Variants in SRGAP3 observed in about 807,000 individuals in gnomAD.
SRGAP3 encodes SLIT-ROBO Rho GTPase activating protein 3.
A neutral mutation model predicts 121.1 loss-of-function variants in SRGAP3; 39 were observed. The observed-to-expected ratio is 0.32, with a 90% CI of 0.25 to 0.42. The LOEUF (loss-of-function observed/expected upper bound fraction) is 0.42, where lower values mean the gene tolerates loss of function less well. Among genes scored for constraint, SRGAP3 ranks in the 10% least tolerant of loss-of-function variants. The probability of loss-of-function intolerance (pLI) is 1.00; values close to 1 mark genes in which losing one functional copy is unlikely to be tolerated. For synonymous variants in SRGAP3, 601 were observed against 570.0 expected, an observed-to-expected ratio of 1.05 and a Z score of -0.77; for missense variants, 1,213 against 1,470.6, an observed-to-expected ratio of 0.82 and a Z score of 2.86.
intron 3 of SRGAP3, among the ~76,000 whole-genome samples, chr3:9,080,515 T>G (rs112948502): frequency 1.3e-5 from 2 of 152,220 alleles, no homozygotes; most frequent in Non-Finnish European, 2.9e-5. Context: ...AAACAATGAT[T>G]TGGCATCCCA....
chr3:9,312,200 C>A (rs1166571679), intron 3 of SRGAP3, among the ~76,000 whole-genome samples: 1 of 152,084 alleles, frequency 6.6e-6, no homozygotes, highest in Non-Finnish European at 1.5e-5. Flanking sequence ...TGTCGCCCAG[C>A]CTGGAGTGCA....
At chr3:9,001,779 T>C (rs1477952079) in intron 18 of SRGAP3, among the ~76,000 whole-genome samples, 2 of 152,162 alleles carry the variant, frequency 1.3e-5, no homozygotes, top group Non-Finnish European at 2.9e-5. Flanking sequence ...CTAATATCGA[T>C]AAAATAGACT....
chr3:9,296,429 T>C (rs369512883), intron 3 of SRGAP3, among the ~76,000 whole-genome samples: 10 of 152,374 alleles, frequency 6.6e-5, no homozygotes, highest in Admixed American at 5.9e-4. Flanking sequence ...TGGCCATTTA[T>C]CCCATTCATT....
At chr3:9,028,302 C>A (rs1415763354) in intron 12 of SRGAP3, among the ~76,000 whole-genome samples, 1 of 152,180 alleles carries the variant, frequency 6.6e-6, no homozygotes, top group Non-Finnish European at 1.5e-5. Flanking sequence ...GGGAGAGCCA[C>A]CCTCAAGCCT....
chr3:9,028,270 C>T, intron 12 of SRGAP3: 1 of 1,207,764 alleles, frequency 8.3e-7, no homozygotes, highest in Non-Finnish European at 1.2e-6. Flanking sequence ...TCCTGGGGAG[C>T]CTGCCAAACA....
At chr3:9,264,059 G>T (rs1209713455) in intron 3 of SRGAP3, among the ~76,000 whole-genome samples, 3 of 152,190 alleles carry the variant, frequency 2.0e-5, no homozygotes, top group African/African-American at 7.2e-5. Context: ...TGCAAGGCTG[G>T]TTCAACATAA....
At chr3:9,135,755 T>C (rs972752637) in intron 1 of SRGAP3, among the ~76,000 whole-genome samples, 23 of 152,140 alleles carry the variant, frequency 1.5e-4, no homozygotes, top group African/African-American at 5.6e-4. Context: ...TATACAGAGG[T>C]GGCATGGCGC....
intron 1 of SRGAP3, chr3:9,348,469 C>A: frequency 2.9e-6 from 2 of 692,318 alleles, no homozygotes; most frequent in Non-Finnish European, 5.4e-6. Context: ...TGGTGTTGAT[C>A]CAGCATGGCG....
intron 3 of SRGAP3, among the ~76,000 whole-genome samples, chr3:9,298,601 T>C (rs1396192858): frequency 4.6e-5 from 7 of 152,100 alleles, no homozygotes; most frequent in Admixed American, 4.6e-4. Flanking sequence ...ATTTGACCAG[T>C]ACAATGCAGA....
At chr3:9,077,664 C>A (rs1034811277) in intron 4 of SRGAP3, among the ~76,000 whole-genome samples, 13 of 152,204 alleles carry the variant, frequency 8.5e-5, no homozygotes, top group African/African-American at 2.7e-4. Flanking sequence ...GTCTCCAATA[C>A]CAGCGGCATT....
In SRGAP3 at chr3:9,104,824, G is replaced by C; in HGVS notation, c.279C>G (p.Leu93=). ...EHQFKKDQYL[L]SPVNCWYLVL... ...CCAGATACCAACAGTTCACAGGCGA[G>C]AGGAGGTACTGGTCCTTCCTGTGGA... The change falls in exon 3 of 22, where the codon CTC becomes CTG. Residue 93 remains leucine (L), a synonymous_variant. Coordinates refer to ENST00000383836, the MANE Select transcript of SRGAP3 (RefSeq NM_014850.4). 6.2e-7 allele frequency: 1 copy of C among 1,614,260 alleles called. No individual in the cohort carries two copies. Among genetic ancestry groups the C allele is most frequent in the Non-Finnish European group, 8.5e-7 (1 of 1,180,050 alleles).
rs756451228 is a variant in SRGAP3, at chr3:9,060,209, C to T, written c.801+22G>A. ...GCCCTGGTGTGGGCCCTGCTCAGTC[C>T]CAGACTCCCCAGGGAGCTCACATCG... On this transcript the variant is annotated intron_variant, in intron 6 of 21. Coordinates refer to ENST00000383836, the MANE Select transcript of SRGAP3 (RefSeq NM_014850.4). The T allele has an allele frequency of 5.6e-6, 9 of 1,613,784 alleles. No individual in the cohort carries two copies. In the South Asian group the frequency reaches 7.7e-5, roughly 14 times the overall value.
chr3:9,111,438 C>T (rs936118311), intron 2 of SRGAP3, among the ~76,000 whole-genome samples: 2 of 152,150 alleles, frequency 1.3e-5, no homozygotes, highest in Admixed American at 6.5e-5. Context: ...CGCCTCAGGG[C>T]GGAGAGCCTG....
rs112186281 is a variant in SRGAP3, at chr3:9,300,198, C to A, written n.442+25812G>T. On this transcript the variant is annotated intron_variant and non_coding_transcript_variant, in intron 3 of 3. Coordinates refer to the SRGAP3 transcript ENST00000490889. The stretch of plus-strand genomic sequence containing the variant: ...ATCATCACCACCATCATCACCACCA[C>A]CAACAACACTATCATCAACTTGTGC... Among the ~76,000 whole-genome samples the A allele has an allele frequency of 2.0e-4, 26 of 131,568 alleles. 2 individuals are homozygous for A. Among genetic ancestry groups the A allele is most frequent in the Non-Finnish European group, 3.3e-4 (20 of 60,814 alleles). The allele number at this position is 131,568 out of a possible 152,430, so 86.3% of individuals were successfully genotyped here. A position where few individuals can be genotyped will look rare whatever the true frequency, so the allele number is the denominator to read the frequency against.
intron 1 of SRGAP3, among the ~76,000 whole-genome samples, chr3:9,227,793 C>T (rs917665740): frequency 2.0e-5 from 3 of 152,212 alleles, no homozygotes; most frequent in Non-Finnish European, 4.4e-5. Flanking sequence ...CCTCATTCCC[C>T]TCAGGGGTTG....
At position 9,104,816 on chromosome 3, in the gene SRGAP3, A is replaced by G; in HGVS notation, c.287T>C (p.Val96Ala). Residue 96 changes from valine to alanine, a missense_variant, in exon 3 of 22, where the codon GTG becomes GCG. Physicochemically the swap from Val to Ala is moderately conservative, Grantham distance 64. Around this residue, in one of 2 missense-constraint regions of SRGAP3, gnomAD observed 793 missense variants for 1,032.9 expected, o/e 0.77. Coordinates refer to ENST00000383836, the MANE Select transcript of SRGAP3 (RefSeq NM_014850.4). ...ATGCAGAACCAGATACCAACAGTTCACAGGCGAGAGGAGGTACTGGTCCTT... is the reference window on the plus strand; with the variant it reads ...ATGCAGAACCAGATACCAACAGTTCGCAGGCGAGAGGAGGTACTGGTCCTT... ...FKKDQYLLSPVNCWYLVLHQT... is the reference protein window; with the variant it reads ...FKKDQYLLSPANCWYLVLHQT... 1 of 1,614,256 alleles carries G rather than the reference A, an allele frequency of 6.2e-7. No individual in the cohort carries two copies. Among genetic ancestry groups the G allele is most frequent in the Non-Finnish European group, 8.5e-7 (1 of 1,180,048 alleles).
chr3:9,117,569 T>G (rs1389328045), intron 2 of SRGAP3, among the ~76,000 whole-genome samples: 1 of 152,194 alleles, frequency 6.6e-6, no homozygotes, highest in African/African-American at 2.4e-5. Flanking sequence ...TCCCTGCTGC[T>G]TTTTTTCACA....
chr3:9,120,405 G>A (rs1416992428), intron 2 of SRGAP3, among the ~76,000 whole-genome samples: 1 of 152,230 alleles, frequency 6.6e-6, no homozygotes, highest in East Asian at 1.9e-4. Flanking sequence ...GCCTCCCCAA[G>A]CCATGTTCTT....
At position 9,282,487 on chromosome 3, in the gene SRGAP3, G is replaced by A. The variant is rs147517667; in HGVS notation, n.442+43523C>T. Among the ~76,000 whole-genome samples the A allele has an allele frequency of 1.4e-4, 21 of 152,084 alleles. No individual in the cohort carries two copies. The East Asian group carries it at 3.9e-3, about 28-fold the overall frequency. ...AAGCTGTTATGATATATTTGTTTTT[G>A]TTTTTGTTTTTGTTTTCTTTTGGGA... is the stretch of plus-strand genomic sequence containing the variant. On this transcript the variant is annotated intron_variant and non_coding_transcript_variant, in intron 3 of 3. Transcript: ENST00000490889.
Sources: allele counts gnomAD v4.1 joint callset (sites outside exome capture counted in the v4.1 genomes callset), GRCh38; gene constraint gnomAD v4.1.1; regional missense constraint gnomAD v4.1.1; transcripts MANE v1.5; gene names NCBI Gene and HGNC (gene_info 2026-07-23, HGNC 2026-07-21).